CCDC148: variants seen among roughly 807,000 people sequenced by gnomAD.
The protein encoded by CCDC148 is coiled-coil domain-containing protein 148.
CCDC148 carries 89 observed loss-of-function variants against 85.7 expected under a neutral mutation model. The observed-to-expected ratio is 1.04, with a 90% CI of 0.87 to 1.24. CCDC148 has a LOEUF of 1.24. Ranked by LOEUF, CCDC148 falls within the 50% of genes most tolerant of loss-of-function variation. CCDC148 has a pLI of 0.00. For missense variants in CCDC148, 692 were observed against 671.7 expected, an observed-to-expected ratio of 1.03 and a Z score of -0.33; for synonymous variants, 230 against 213.9, an observed-to-expected ratio of 1.08 and a Z score of -0.66.
At chr2:158,296,437 T>C (rs1256718261) in intron 9 of CCDC148, among the ~76,000 whole-genome samples, 1 of 152,244 alleles carries the variant, frequency 6.6e-6, no homozygotes, top group Non-Finnish European at 1.5e-5. Context: ...TGTTTACATT[T>C]TTTTAATGGC....
At chr2:158,281,619 A>C (rs180732079) in intron 9 of CCDC148, among the ~76,000 whole-genome samples, 217 of 152,310 alleles carry the variant, frequency 1.4e-3, no homozygotes, top group African/African-American at 5.1e-3. Flanking sequence ...AGGAAGTGAA[A>C]TTGTGGCAAT....
chr2:158,414,279 A>T (rs1686393704), intron 1 of CCDC148, among the ~76,000 whole-genome samples: 1 of 152,206 alleles, frequency 6.6e-6, no homozygotes, highest in Admixed American at 6.5e-5. Context: ...ATCTCCACAA[A>T]TCTTACCAAA....
chr2:158,289,069 T>C (rs1237973953), intron 9 of CCDC148, among the ~76,000 whole-genome samples: 1 of 152,084 alleles, frequency 6.6e-6, no homozygotes, highest in Non-Finnish European at 1.5e-5. Context: ...TCCCACTGTG[T>C]CCCTCCCACA....
At chr2:158,422,713 A>G (rs759421171) in intron 1 of CCDC148, among the ~76,000 whole-genome samples, 1 of 152,186 alleles carries the variant, frequency 6.6e-6, no homozygotes, top group Non-Finnish European at 1.5e-5. Context: ...TCTTCAACAT[A>G]GTATTGGAAG....
chr2:158,328,483 T>C (rs1182422223), intron 7 of CCDC148, among the ~76,000 whole-genome samples: 2 of 152,190 alleles, frequency 1.3e-5, no homozygotes, highest in African/African-American at 2.4e-5. Flanking sequence ...TACGTGTGCA[T>C]GTGTCTTTAT....
chr2:158,204,465 C>T (rs1686130717), intron 11 of CCDC148, among the ~76,000 whole-genome samples: 1 of 152,104 alleles, frequency 6.6e-6, no homozygotes, highest in Non-Finnish European at 1.5e-5. Flanking sequence ...AAGACAATCT[C>T]CTGGAGCTCA....
At chr2:158,173,788 C>T (rs952188954) in intron 13 of CCDC148, among the ~76,000 whole-genome samples, 2 of 152,026 alleles carry the variant, frequency 1.3e-5, no homozygotes, top group Admixed American at 6.6e-5. Flanking sequence ...CTCTCATGTG[C>T]TCCAGTGATT....
chr2:158,411,597 T>G (rs1686262140), intron 1 of CCDC148, among the ~76,000 whole-genome samples: 1 of 152,180 alleles, frequency 6.6e-6, no homozygotes, highest in African/African-American at 2.4e-5. Context: ...CTAATTTCAT[T>G]AAGTTGTCTA....
At chr2:158,381,849 C>T (rs1684881547) in intron 1 of CCDC148, among the ~76,000 whole-genome samples, 1 of 152,112 alleles carries the variant, frequency 6.6e-6, no homozygotes, top group Admixed American at 6.5e-5. Context: ...CACACCATAG[C>T]ACTACCTGAA....
chr2:158,279,171 C>G (rs1419183047), intron 9 of CCDC148, among the ~76,000 whole-genome samples: 2 of 152,270 alleles, frequency 1.3e-5, no homozygotes, highest in East Asian at 1.9e-4. Flanking sequence ...AAACCACAAA[C>G]ATGGGGAATA....
chr2:158,312,759 C>A (rs150401045), intron 8 of CCDC148, among the ~76,000 whole-genome samples: 7 of 151,682 alleles, frequency 4.6e-5, no homozygotes, highest in Admixed American at 3.9e-4. Flanking sequence ...TTTAAAAATC[C>A]AGAGTGAACT....
chr2:158,175,746 G>T (rs1274409748), intron 13 of CCDC148, among the ~76,000 whole-genome samples: 1 of 151,976 alleles, frequency 6.6e-6, no homozygotes, highest in Non-Finnish European at 1.5e-5. Context: ...AGACATAAGC[G>T]GATGAATGGA....
At chr2:158,405,462 G>A (rs991598520) in intron 1 of CCDC148, among the ~76,000 whole-genome samples, 15 of 152,204 alleles carry the variant, frequency 9.9e-5, no homozygotes, top group South Asian at 6.2e-4. Context: ...AGCCTTAATT[G>A]AGGATAATCC....
intron 7 of CCDC148, among the ~76,000 whole-genome samples, chr2:158,324,271 T>C (rs1692659265): frequency 6.6e-6 from 1 of 152,138 alleles, no homozygotes; most frequent in Non-Finnish European, 1.5e-5. Flanking sequence ...GTCTTTTTTC[T>C]GTGGCTATAT....
rs183787926 is a variant in CCDC148, at chr2:158,446,941, T to C, written c.25+9474A>G. On this transcript the variant is annotated intron_variant, in intron 1 of 13. Transcript: ENST00000283233. ...TTATCCATATTGTACCATGTATCAG[T>C]AGTTCATTATTTTTAGAGATGAATA... Among the ~76,000 whole-genome samples, 525 of 152,320 alleles carry C rather than the reference T, an allele frequency of 3.4e-3. 1 individual carries two copies. The highest frequency in any genetic ancestry group is 7.8e-3 in the African/African-American group (325 of 41,578).
rs980941328 is a variant in CCDC148, at chr2:158,456,678, C to T, written c.-239G>A. On this transcript the variant is annotated 5_prime_UTR_variant, in exon 1 of 14. Transcript: ENST00000283233. ...GTCCTCTCCGCCACCCCCTCCCGCG[C>T]CCGAGACCTGAGACACCTTCTCTCT... 8.7e-6 allele frequency: 5 copies of T among 576,388 alleles called. No individual in the cohort carries two copies. In the Admixed American group the frequency reaches 1.3e-4, roughly 14 times the overall value. The allele number at this position is 576,388 out of a possible 1,614,324, so 35.7% of individuals were successfully genotyped here.
chr2:158,221,240 G>T (rs969109151), intron 10 of CCDC148, among the ~76,000 whole-genome samples: 3 of 152,154 alleles, frequency 2.0e-5, no homozygotes, highest in African/African-American at 7.2e-5. Flanking sequence ...AATTAGCAGG[G>T]TTGTGGTATA....
At chr2:158,331,568 C>T (rs1693123687) in intron 7 of CCDC148, among the ~76,000 whole-genome samples, 1 of 151,528 alleles carries the variant, frequency 6.6e-6, no homozygotes, top group African/African-American at 2.4e-5. Flanking sequence ...TTCTTGTTGA[C>T]TTTCTGTCTC....
chr2:158,236,227 C>T (rs1463296096), intron 10 of CCDC148: 1 of 152,166 alleles, frequency 6.6e-6, no homozygotes, highest in Non-Finnish European at 1.5e-5. Flanking sequence ...GCTTCCCACT[C>T]AAATTGGCAG....
Sources: gnomAD v4.1 joint callset for allele counts (sites outside exome capture counted in the v4.1 genomes callset) on GRCh38, gnomAD v4.1.1 for gene constraint, MANE v1.5 for transcripts, NCBI Gene and HGNC (gene_info 2026-07-23, HGNC 2026-07-21) for gene names.